Variants in FBXL5 observed in about 807,000 individuals in gnomAD.
FBXL5 encodes F-box/LRR-repeat protein 5.
Under a neutral mutation model 78.3 loss-of-function variants are expected in FBXL5, and 26 were observed. The ratio of observed to expected loss-of-function variants is 0.33; its 90% CI spans 0.24 to 0.46. FBXL5 has a LOEUF of 0.46. Among genes scored for constraint, FBXL5 ranks in the 20% least tolerant of loss-of-function variants. The pLI, the probability that FBXL5 is intolerant of heterozygous loss-of-function variation, is 1.00. For missense variants in FBXL5, 710 were observed against 829.2 expected, an observed-to-expected ratio of 0.86 and a Z score of 1.77; for synonymous variants, 295 against 282.5, an observed-to-expected ratio of 1.04 and a Z score of -0.45.
chr4:15,655,267 T>G lies in FBXL5; in HGVS notation c.21A>C (p.Glu7Asp). The change falls in exon 1 of 11, where the codon GAA (glutamate) becomes GAC (aspartate). Residue 7 changes from glutamate to aspartate, a missense_variant. Around this residue, in one of 4 missense-constraint regions of FBXL5, gnomAD observed 132 missense variants for 156.9 expected, o/e 0.84. Coordinates refer to ENST00000341285, the MANE Select transcript of FBXL5 (RefSeq NM_012161.4). MAPFPEEVDVFTAPHWR... is the reference protein window; with the variant it reads MAPFPEDVDVFTAPHWR... ...AGTGTGGGGCGGTGAAGACGTCCAC[T>G]TCTTCAGGAAAGGGCGCCATCGCCA... 1 of 1,434,674 alleles carries G rather than the reference T, an allele frequency of 7.0e-7. No homozygotes were observed. 88.9% of individuals were successfully genotyped at this position (1,434,674 alleles called of 1,614,324 possible).
intron 1 of FBXL5, among the ~76,000 whole-genome samples, chr4:15,680,909 T>A (rs1718222964): frequency 6.7e-6 from 1 of 148,774 alleles, no homozygotes; most frequent in Non-Finnish European, 1.5e-5. Flanking sequence ...GCAGTATATA[T>A]TATATATATA....
chr4:15,674,794 C>T (rs777284783), intron 1 of FBXL5, among the ~76,000 whole-genome samples: 4 of 152,012 alleles, frequency 2.6e-5, no homozygotes, highest in African/African-American at 7.2e-5. Flanking sequence ...GGACTACAGG[C>T]GCATGCCACC....
chr4:15,656,314 C>G (rs568294668), upstream of FBXL5: 104 of 456,258 alleles, frequency 2.3e-4, no homozygotes, highest in African/African-American at 1.4e-3. Context: ...TCACGCCGGT[C>G]AGTCTTAGAT....
At chr4:15,664,113 T>C (rs1717429728), upstream of FBXL5, among the ~76,000 whole-genome samples, 1 of 152,230 alleles carries the variant, frequency 6.6e-6, no homozygotes, top group Non-Finnish European at 1.5e-5. Context: ...TCTATCTTTT[T>C]AGGTAACACA....
At chr4:15,673,521 CATT>C (rs1260987917) in intron 1 of FBXL5, among the ~76,000 whole-genome samples, 1 of 152,164 alleles carries the variant, frequency 6.6e-6, no homozygotes, top group African/African-American at 2.4e-5. Flanking sequence ...AAGACATCAT[CATT>C]GAGATCTATG....
chr4:15,655,587 C>T (rs543566111), upstream of FBXL5, among the ~76,000 whole-genome samples: 8 of 152,292 alleles, frequency 5.3e-5, no homozygotes, highest in African/African-American at 1.7e-4. Flanking sequence ...CTGTTTCTTT[C>T]ACTACATGAA....
At position 15,621,726 on chromosome 4, in the gene FBXL5, A is replaced by G. The variant is rs146065373; in HGVS notation, c.1850+3526T>C. Among the ~76,000 whole-genome samples, 802 of 152,350 alleles carry G rather than the reference A, an allele frequency of 5.3e-3. 7 individuals are homozygous for G. The highest frequency in any genetic ancestry group is 0.018 in the African/African-American group (759 of 41,566). On this transcript the variant is annotated intron_variant, in intron 9 of 10. Coordinates refer to ENST00000341285, the MANE Select transcript of FBXL5 (RefSeq NM_012161.4). ...TAATTAACAGCCAAGATTTATTTTC[A>G]TTCCTATGAAAGCCAGAAAATAATG...
chr4:15,636,922 G>T (rs954399042), intron 4 of FBXL5, among the ~76,000 whole-genome samples: 6 of 152,118 alleles, frequency 3.9e-5, no homozygotes, highest in Admixed American at 1.3e-4. Flanking sequence ...AATGAACACA[G>T]AATTAACTTC....
intron 2 of FBXL5, among the ~76,000 whole-genome samples, chr4:15,642,972 CT>C (rs1285068013): frequency 6.6e-6 from 1 of 151,942 alleles, no homozygotes; most frequent in Non-Finnish European, 1.5e-5. Flanking sequence ...ATTTTATTTC[CT>C]ACATAATTCT....
At chr4:15,638,200 C>T (rs73241117) in intron 4 of FBXL5, among the ~76,000 whole-genome samples, 14,492 of 152,084 alleles carry the variant, frequency 0.095, 808 homozygotes, top group Non-Finnish European at 0.12. Context: ...TTTGACTGAT[C>T]GATTTTGAGC....
chr4:15,630,914 A>G lies in FBXL5; in HGVS notation c.767-123T>C, dbSNP rs181766104. 4.0e-6 allele frequency: 5 copies of G among 1,250,156 alleles called. No homozygotes were observed. The East Asian group carries it at 7.8e-5, about 19-fold the overall frequency. The allele number at this position is 1,250,156 out of a possible 1,614,324, so 77.4% of individuals were successfully genotyped here. A position where few individuals can be genotyped will look rare whatever the true frequency, so the allele number is the denominator to read the frequency against. On this transcript the variant is annotated intron_variant, in intron 5 of 10. Coordinates refer to ENST00000341285, the MANE Select transcript of FBXL5 (RefSeq NM_012161.4). The stretch of plus-strand genomic sequence containing the variant: ...GAAAACATCTGAGCCCTAGGCAATA[A>G]GCAACTGTTTTTTTTTAATACTTTT...
At chr4:15,620,529 T>C (rs1182818598) in intron 9 of FBXL5, among the ~76,000 whole-genome samples, 2 of 152,238 alleles carry the variant, frequency 1.3e-5, no homozygotes, top group Non-Finnish European at 2.9e-5. Context: ...TTTCAAAACC[T>C]ACAACAAAAC....
intron 1 of FBXL5, among the ~76,000 whole-genome samples, chr4:15,666,881 A>C (rs1717569174): frequency 6.6e-6 from 1 of 152,152 alleles, no homozygotes; most frequent in Non-Finnish European, 1.5e-5. Flanking sequence ...TAAAAAAAAA[A>C]AGACAGGCAA....
chr4:15,615,378 T>C (rs1711707466), intron 9 of FBXL5, among the ~76,000 whole-genome samples: 1 of 151,874 alleles, frequency 6.6e-6, no homozygotes, highest in Non-Finnish European at 1.5e-5. Flanking sequence ...GCTGGGCTCC[T>C]GAGTCTGGTG....
intron 9 of FBXL5, among the ~76,000 whole-genome samples, chr4:15,623,011 T>C (rs892921520): frequency 1.3e-5 from 2 of 152,196 alleles, no homozygotes; most frequent in Non-Finnish European, 2.9e-5. Context: ...ATATCAGAAT[T>C]TGTTAATGAA....
intron 9 of FBXL5, among the ~76,000 whole-genome samples, chr4:15,624,668 A>C (rs1286034882): frequency 6.6e-6 from 1 of 152,094 alleles, no homozygotes; most frequent in East Asian, 1.9e-4. Context: ...AACAGAAAAG[A>C]AAATGTAGAA....
At chr4:15,641,487 TATG>T in intron 2 of FBXL5, 1 of 369,406 alleles carries the variant, frequency 2.7e-6, no homozygotes, top group East Asian at 7.8e-5. Context: ...TTTTCTTCCG[TATG>T]ATGTTCTTAG....
At chr4:15,616,726 G>A (rs1257026168) in intron 9 of FBXL5, among the ~76,000 whole-genome samples, 1 of 152,150 alleles carries the variant, frequency 6.6e-6, no homozygotes. Flanking sequence ...ATGCCCACAG[G>A]GATCTCCCCA....
intron 1 of FBXL5, among the ~76,000 whole-genome samples, chr4:15,673,899 C>G (rs1389301108): frequency 2.0e-5 from 3 of 152,202 alleles, no homozygotes; most frequent in African/African-American, 7.2e-5. Context: ...CTGAGGCAAT[C>G]ATAGGACTCA....
Sources: gnomAD v4.1 joint callset for allele counts (sites outside exome capture counted in the v4.1 genomes callset) on GRCh38, gnomAD v4.1.1 for gene constraint, gnomAD v4.1.1 regional missense constraint, MANE v1.5 for transcripts, NCBI Gene and HGNC (gene_info 2026-07-23, HGNC 2026-07-21) for gene names.